ASTN2: variants seen among roughly 807,000 people sequenced by gnomAD.
ASTN2 encodes astrotactin-2.
A neutral mutation model predicts 139.8 loss-of-function variants in ASTN2; 54 were observed. The ratio of observed to expected loss-of-function variants is 0.39; its 90% CI spans 0.31 to 0.48. ASTN2 has a LOEUF of 0.48. Among genes scored for constraint, ASTN2 ranks in the 20% least tolerant of loss-of-function variants. The pLI, the probability that ASTN2 is intolerant of heterozygous loss-of-function variation, is 0.95. For synonymous variants in ASTN2, 756 were observed against 719.5 expected (o/e 1.05, Z -0.81); for missense variants, 1,565 against 1,725.1 (o/e 0.91, Z 1.64).
intron 19 of ASTN2, chr9:116,546,506 G>A (rs1852098077): frequency 6.6e-6 from 1 of 152,176 alleles, no homozygotes; most frequent in Admixed American, 6.5e-5. Flanking sequence ...GTTGAGTAAT[G>A]TATTGAGTTA....
At chr9:117,054,301 C>T (rs1413639371) in intron 5 of ASTN2, among the ~76,000 whole-genome samples, 1 of 152,214 alleles carries the variant, frequency 6.6e-6, no homozygotes, top group South Asian at 2.1e-4. Context: ...GAAGCCCAAA[C>T]TTGAATATAG....
At chr9:117,327,222 A>G (rs1377909789) in intron 1 of ASTN2, among the ~76,000 whole-genome samples, 2 of 152,128 alleles carry the variant, frequency 1.3e-5, no homozygotes, top group African/African-American at 4.8e-5. Context: ...CTGCTGTGCC[A>G]TCTGGTTCCC....
chr9:117,206,142 T>C (rs1831913208), intron 3 of ASTN2, among the ~76,000 whole-genome samples: 1 of 152,158 alleles, frequency 6.6e-6, no homozygotes, highest in South Asian at 2.1e-4. Flanking sequence ...GGATTTGACC[T>C]GAGTGTCGTC....
Position 116,905,800 on chromosome 9 carries a change from C to T in ASTN2, c.1890-42067G>A, listed in dbSNP as rs28670339. ...CTTAAGGGTAGACCTCCAATATTCACGGTGCTCAGGGCACCCAGATACACA... is the reference window on the plus strand; with the variant it reads ...CTTAAGGGTAGACCTCCAATATTCATGGTGCTCAGGGCACCCAGATACACA... On this transcript the variant is annotated intron_variant, in intron 10 of 22. Transcript: ENST00000313400. Among the ~76,000 whole-genome samples, 900 of 139,754 alleles carry T rather than the reference C, an allele frequency of 6.4e-3. 4 individuals are homozygous for T. The highest frequency in any genetic ancestry group is 0.023 in the African/African-American group (832 of 36,960). The allele number at this position is 139,754 out of a possible 152,430, so 91.7% of individuals were successfully genotyped here.
intron 16 of ASTN2, among the ~76,000 whole-genome samples, chr9:116,687,906 G>T (rs1181304574): frequency 6.6e-6 from 1 of 151,978 alleles, no homozygotes; most frequent in Non-Finnish European, 1.5e-5. Flanking sequence ...TGGGCTGAGG[G>T]TGAGATTGAG....
rs1163211568 is a variant in ASTN2, at chr9:116,640,088, T to A, written c.3072+11440A>T. Among the ~76,000 whole-genome samples the A allele has an allele frequency of 2.6e-5, 4 of 152,184 alleles. No homozygotes were observed. In the East Asian group the frequency reaches 7.7e-4, roughly 29 times the overall value. ...TATTTTGACTTAATATAAGAAAGGA[T>A]GTTCTCTCGGTGAGGGAAACCAAAT... On this transcript the variant is annotated intron_variant, in intron 17 of 22. Coordinates refer to ENST00000313400, the MANE Select transcript of ASTN2 (RefSeq NM_001365068.1).
chr9:116,632,252 G>GAAAGAAAGAAA (rs1856833378), intron 17 of ASTN2, among the ~76,000 whole-genome samples: 4 of 70,926 alleles, frequency 5.6e-5, no homozygotes, highest in African/African-American at 1.4e-4. Context: ...AAAGAAAGAA[G>GAAAGAAAGAAA]GAAAGAAAGA....
chr9:116,576,836 C>G (rs1853742685), intron 19 of ASTN2, among the ~76,000 whole-genome samples: 1 of 152,142 alleles, frequency 6.6e-6, no homozygotes, highest in South Asian at 2.1e-4. Context: ...TTTACCATCT[C>G]TCCTTTGAAA....
chr9:117,395,731 T>G (rs1344114165), intron 1 of ASTN2, among the ~76,000 whole-genome samples: 2 of 148,484 alleles, frequency 1.3e-5, no homozygotes, highest in East Asian at 2.2e-4. Flanking sequence ...GGAATTGGGG[T>G]GCAAATACGC....
At chr9:116,776,022 C>T (rs1480149302) in intron 13 of ASTN2, among the ~76,000 whole-genome samples, 1 of 152,076 alleles carries the variant, frequency 6.6e-6, no homozygotes, top group Non-Finnish European at 1.5e-5. Context: ...ATAAGGGTGC[C>T]CCACTGAAGG....
At chr9:117,363,352 C>T (rs1415108396) in intron 1 of ASTN2, among the ~76,000 whole-genome samples, 4 of 152,148 alleles carry the variant, frequency 2.6e-5, no homozygotes, top group Admixed American at 6.5e-5. Flanking sequence ...TATCTCATTT[C>T]GTTCTCTCAA....
intron 1 of ASTN2, among the ~76,000 whole-genome samples, chr9:117,411,005 A>T (rs1347181471): frequency 6.6e-6 from 1 of 152,210 alleles, no homozygotes; most frequent in Non-Finnish European, 1.5e-5. Context: ...TAACCTGCAT[A>T]AACTTCATAT....
At chr9:116,998,572 TA>T (rs1564377059) in intron 7 of ASTN2, among the ~76,000 whole-genome samples, 1 of 147,858 alleles carries the variant, frequency 6.8e-6, no homozygotes, top group Non-Finnish European at 1.5e-5. Context: ...CATCCATCCA[TA>T]CATCCATCCA....
At chr9:117,334,262 A>T (rs2130854059) in intron 1 of ASTN2, among the ~76,000 whole-genome samples, 1 of 152,196 alleles carries the variant, frequency 6.6e-6, no homozygotes, top group South Asian at 2.1e-4. Flanking sequence ...GCATATGATG[A>T]GCAAAGTGGT....
At chr9:117,175,997 A>G (rs1408445792) in intron 3 of ASTN2, among the ~76,000 whole-genome samples, 1 of 152,014 alleles carries the variant, frequency 6.6e-6, no homozygotes, top group Non-Finnish European at 1.5e-5. Context: ...TATGATTATT[A>G]TCAATATTTA....
At chr9:116,529,931 T>C (rs113969333) in intron 19 of ASTN2, among the ~76,000 whole-genome samples, 1,863 of 151,784 alleles carry the variant, frequency 0.012, 34 homozygotes, top group African/African-American at 0.043. Flanking sequence ...AGGTAGTTCT[T>C]TATAGCAGTG....
At chr9:117,311,922 G>A (rs779823795) in intron 1 of ASTN2, among the ~76,000 whole-genome samples, 1 of 152,068 alleles carries the variant, frequency 6.6e-6, no homozygotes, top group African/African-American at 2.4e-5. Flanking sequence ...AGGAATCAGA[G>A]CCCACCCCCC....
chr9:117,035,269 T>C (rs563926683), intron 6 of ASTN2, among the ~76,000 whole-genome samples: 1 of 152,250 alleles, frequency 6.6e-6, no homozygotes, highest in South Asian at 2.1e-4. Context: ...GTTTTTCTTG[T>C]TTTTTAAAAC....
At chr9:116,548,941 T>C (rs1852221394) in intron 19 of ASTN2, among the ~76,000 whole-genome samples, 1 of 152,290 alleles carries the variant, frequency 6.6e-6, no homozygotes, top group Admixed American at 6.5e-5. Context: ...GAGATCCCTG[T>C]AAGCTTTTGC....
Sources: allele counts gnomAD v4.1 joint callset (sites outside exome capture counted in the v4.1 genomes callset), GRCh38; gene constraint gnomAD v4.1.1; transcripts MANE v1.5; gene names NCBI Gene and HGNC (gene_info 2026-07-23, HGNC 2026-07-21).